Variants in MAMDC2 observed in about 807,000 individuals in gnomAD.
MAMDC2 encodes the protein MAM domain containing 2.
In MAMDC2, 57 loss-of-function variants were observed where a neutral mutation model predicts 89.8. That is an observed-to-expected ratio of 0.63 (90% confidence interval 0.51 to 0.79). The LOEUF (loss-of-function observed/expected upper bound fraction) is 0.79. MAMDC2 is among the 30% of genes least tolerant of loss of function. The pLI, the probability that MAMDC2 is intolerant of heterozygous loss-of-function variation, is 0.00. For synonymous variants in MAMDC2, 313 were observed against 293.4 expected, an observed-to-expected ratio of 1.07 and a Z score of -0.68; for missense variants, 800 against 820.6, an observed-to-expected ratio of 0.97 and a Z score of 0.31.
At chr9:70,080,724 C>T (rs931755178) in intron 2 of MAMDC2, among the ~76,000 whole-genome samples, 5 of 152,150 alleles carry the variant, frequency 3.3e-5, no homozygotes, top group African/African-American at 9.7e-5. Context: ...TAAACCACGT[C>T]TTGTGGCCAA....
chr9:70,220,261 G>C (rs2033531785), intron 12 of MAMDC2, among the ~76,000 whole-genome samples: 1 of 152,178 alleles, frequency 6.6e-6, no homozygotes, highest in Non-Finnish European at 1.5e-5. Flanking sequence ...TAGACTTACT[G>C]GGGAGGTAGT....
At chr9:70,144,349 A>G (rs1244883041) in intron 9 of MAMDC2, among the ~76,000 whole-genome samples, 2 of 152,234 alleles carry the variant, frequency 1.3e-5, no homozygotes, top group African/African-American at 2.4e-5. Context: ...GAGAATTTAC[A>G]TAAGGGAACC....
intron 2 of MAMDC2, among the ~76,000 whole-genome samples, chr9:70,071,390 C>A (rs1033471304): frequency 1.3e-5 from 2 of 152,068 alleles, no homozygotes; most frequent in Admixed American, 6.5e-5. Context: ...AGCTAAGGAA[C>A]CAAGCATGAA....
chr9:70,132,395 A>G (rs1172028303), intron 7 of MAMDC2, among the ~76,000 whole-genome samples: 3 of 152,214 alleles, frequency 2.0e-5, no homozygotes, highest in African/African-American at 7.2e-5. Context: ...CCGCCTTATT[A>G]GTGAGCCCTT....
At chr9:70,202,828 G>T (rs1386229906) in intron 11 of MAMDC2, among the ~76,000 whole-genome samples, 25 of 151,288 alleles carry the variant, frequency 1.7e-4, no homozygotes, top group Admixed American at 9.9e-4. Flanking sequence ...TTTGTCTCTT[G>T]TGATCTTTGT....
intron 8 of MAMDC2, among the ~76,000 whole-genome samples, chr9:70,142,412 A>G (rs893645224): frequency 3.9e-5 from 6 of 152,192 alleles, no homozygotes; most frequent in Non-Finnish European, 8.8e-5. Context: ...ATTTTATTAT[A>G]GAGGACATGA....
chr9:70,162,588 C>A (rs1025040688), intron 9 of MAMDC2, among the ~76,000 whole-genome samples: 1 of 151,044 alleles, frequency 6.6e-6, no homozygotes, highest in African/African-American at 2.4e-5. Flanking sequence ...CCTCCCGGGC[C>A]GAGGTGATCC....
intron 11 of MAMDC2, among the ~76,000 whole-genome samples, chr9:70,206,076 G>A (rs955267226): frequency 6.6e-6 from 1 of 152,150 alleles, no homozygotes; most frequent in African/African-American, 2.4e-5. Context: ...ATTATGTTTA[G>A]GTAAGATGTT....
At chr9:70,119,269 G>T (rs2030176491) in intron 5 of MAMDC2, among the ~76,000 whole-genome samples, 1 of 151,896 alleles carries the variant, frequency 6.6e-6, no homozygotes, top group Non-Finnish European at 1.5e-5. Flanking sequence ...GCCTGCTTGT[G>T]GTGCTATTAT....
intron 5 of MAMDC2, among the ~76,000 whole-genome samples, chr9:70,125,562 C>T (rs2030494323): frequency 6.6e-6 from 1 of 152,236 alleles, no homozygotes; most frequent in Admixed American, 6.5e-5. Flanking sequence ...ACCACACATT[C>T]ACTCCTCCAA....
At chr9:70,094,730 C>T (rs1271967125) in intron 2 of MAMDC2, among the ~76,000 whole-genome samples, 1 of 152,140 alleles carries the variant, frequency 6.6e-6, no homozygotes, top group African/African-American at 2.4e-5. Context: ...TACTAGGAGA[C>T]AGGCAGATAT....
chr9:70,183,465 C>T (rs191482465), intron 11 of MAMDC2, among the ~76,000 whole-genome samples: 10 of 152,224 alleles, frequency 6.6e-5, no homozygotes, highest in Non-Finnish European at 1.0e-4. Flanking sequence ...TCCACTATTA[C>T]TGTGTGTGAG....
chr9:70,139,583 C>T (rs916690505), intron 7 of MAMDC2, among the ~76,000 whole-genome samples: 39 of 151,994 alleles, frequency 2.6e-4, no homozygotes, highest in Non-Finnish European at 4.7e-4. Context: ...AATAAACATA[C>T]GTGTGATGTG....
intron 2 of MAMDC2, among the ~76,000 whole-genome samples, chr9:70,089,798 A>G (rs1328592587): frequency 6.6e-6 from 1 of 152,196 alleles, no homozygotes; most frequent in Non-Finnish European, 1.5e-5. Flanking sequence ...ACTTAAATAG[A>G]TTAGTATTTA....
chr9:70,189,417 T>G (rs1228558011), intron 11 of MAMDC2, among the ~76,000 whole-genome samples: 3 of 152,178 alleles, frequency 2.0e-5, no homozygotes, highest in African/African-American at 7.2e-5. Flanking sequence ...TGAGGTTCTC[T>G]TGTATATAAT....
At chr9:70,218,626 T>C (rs1330854641) in intron 12 of MAMDC2, 30 bp downstream of exon 12, 1 of 1,551,188 alleles carries the variant, frequency 6.4e-7, no homozygotes, top group East Asian at 2.3e-5. Context: ...AACTAAGCAA[T>C]GGAAAACGTG....
At position 70,180,012 on chromosome 9, in the gene MAMDC2, T is replaced by C. The variant is rs2118572041; in HGVS notation, c.1651+9381T>C. Among the ~76,000 whole-genome samples the C allele has an allele frequency of 1.3e-5, 2 of 151,942 alleles. 1 individual carries two copies. Among genetic ancestry groups the C allele is most frequent in the South Asian group, 4.2e-4 (2 of 4,802 alleles). On this transcript the variant is annotated intron_variant, in intron 11 of 13. Coordinates refer to ENST00000377182, the MANE Select transcript of MAMDC2 (RefSeq NM_153267.5). Reference sequence around the variant, plus strand: ...TTAAGCCCTGCATGCATTAGATATTTGTCCCCCCACCCCCCAACAGGCCCC... The same window carrying C: ...TTAAGCCCTGCATGCATTAGATATTCGTCCCCCCACCCCCCAACAGGCCCC...
intron 9 of MAMDC2, among the ~76,000 whole-genome samples, chr9:70,160,180 C>G (rs941880962): frequency 2.6e-5 from 4 of 152,000 alleles, no homozygotes; most frequent in African/African-American, 9.7e-5. Context: ...CTACTGCACT[C>G]TAGCCTGGGC....
chr9:70,067,230 C>T (rs1174224858), intron 2 of MAMDC2, among the ~76,000 whole-genome samples: 1 of 152,182 alleles, frequency 6.6e-6, no homozygotes, highest in African/African-American at 2.4e-5. Flanking sequence ...CAGCTATTTT[C>T]ACTGAAGGCA....
Sources: gnomAD v4.1 joint callset for allele counts (sites outside exome capture counted in the v4.1 genomes callset) on GRCh38, gnomAD v4.1.1 for gene constraint, MANE v1.5 for transcripts, NCBI Gene and HGNC (gene_info 2026-07-23, HGNC 2026-07-21) for gene names.